CMTR1: variants seen among roughly 807,000 people sequenced by gnomAD.
CMTR1 encodes the protein cap-specific mRNA (nucleoside-2'-O-)-methyltransferase 1.
CMTR1 carries 39 observed loss-of-function variants against 107.0 expected under a neutral mutation model. The ratio of observed to expected loss-of-function variants is 0.36; its 90% CI spans 0.28 to 0.48. The LOEUF is 0.48. Among genes scored for constraint, CMTR1 ranks in the 20% least tolerant of loss-of-function variants. The probability of loss-of-function intolerance (pLI) is 0.99; values close to 1 mark genes in which losing one functional copy is unlikely to be tolerated. For missense variants in CMTR1, 672 were observed against 1,064.9 expected (o/e 0.63, Z 5.14); for synonymous variants, 366 against 379.5 (o/e 0.96, Z 0.41).
intron 2 of CMTR1, among the ~76,000 whole-genome samples, chr6:37,441,470 A>G (rs1290095809): frequency 1.3e-5 from 2 of 150,478 alleles, no homozygotes; most frequent in Admixed American, 1.3e-4. Context: ...GCTGGAGTGC[A>G]ATGGCTCGAT....
At chr6:37,440,721 T>C (rs905807438) in intron 2 of CMTR1, among the ~76,000 whole-genome samples, 2 of 152,244 alleles carry the variant, frequency 1.3e-5, no homozygotes, top group African/African-American at 4.8e-5. Context: ...ATTTGCTTAG[T>C]GAGCCTTCCA....
chr6:37,435,179 T>C (rs899918090), intron 1 of CMTR1, among the ~76,000 whole-genome samples: 5 of 152,250 alleles, frequency 3.3e-5, no homozygotes, highest in African/African-American at 1.2e-4. Flanking sequence ...ATAATGCTGA[T>C]GAAACAGTCA....
intron 10 of CMTR1, 35 bp from the exon 11 acceptor site, chr6:37,461,514 T>A (rs1761402758): frequency 1.6e-6 from 2 of 1,248,862 alleles, no homozygotes; most frequent in Non-Finnish European, 2.3e-6. Flanking sequence ...TTCTCTTTTC[T>A]CTTTCCCACC....
chr6:37,451,523 C>G (rs1048726405), intron 5 of CMTR1, among the ~76,000 whole-genome samples: 4 of 152,136 alleles, frequency 2.6e-5, no homozygotes, highest in African/African-American at 9.7e-5. Context: ...TGTCTCCTTC[C>G]TGTTTGGTGT....
chr6:37,424,018 C>T, the CMTR1 span, among the ~76,000 whole-genome samples: 3 of 152,234 alleles, frequency 2.0e-5, no homozygotes, highest in East Asian at 3.9e-4. Context: ...GAAGAGAAGA[C>T]GACCCACCAT....
At chr6:37,478,370 CT>C in intron 21 of CMTR1, 38 bp from the exon 22 acceptor site, 2 of 1,504,174 alleles carry the variant, frequency 1.3e-6, no homozygotes, top group African/African-American at 1.4e-5. Context: ...CAGCCAGGGC[CT>C]TTTCTCTCTC....
In CMTR1 at chr6:37,480,028, C is replaced by T; in HGVS notation, c.2391C>T (p.Gly797=). The T allele has an allele frequency of 1.3e-6, 2 of 1,578,882 alleles. No homozygotes were observed. Among genetic ancestry groups the T allele is most frequent in the Non-Finnish European group, 1.7e-6 (2 of 1,166,710 alleles). ...SIAPFHICYY[G]RLFWEWGDGI... ...TCCTCCCCAGCATTTGCTACTATGGCCGGCTCTTCTGGGAGTGGGGGGATG... is the reference window on the plus strand; with the variant it reads ...TCCTCCCCAGCATTTGCTACTATGGTCGGCTCTTCTGGGAGTGGGGGGATG... The change falls in exon 24 of 24, where the codon GGC becomes GGT. Residue 797 remains glycine, a synonymous_variant. Transcript: ENST00000373451.
chr6:37,479,378 T>A (rs2113898667), intron 23 of CMTR1, 123 bp downstream of exon 23: 4 of 724,900 alleles, frequency 5.5e-6, no homozygotes, highest in South Asian at 3.2e-5. Flanking sequence ...GGGGTTCCCC[T>A]GAGCACAGGC....
chr6:37,437,430 G>A (rs201505076), intron 2 of CMTR1, among the ~76,000 whole-genome samples: 3 of 151,322 alleles, frequency 2.0e-5, no homozygotes, highest in East Asian at 3.9e-4. Flanking sequence ...GGGAGGCTGA[G>A]GCAGGAGAAT....
At chr6:37,453,544 G>C (rs917973031) in intron 8 of CMTR1, among the ~76,000 whole-genome samples, 1 of 152,228 alleles carries the variant, frequency 6.6e-6, no homozygotes, top group Admixed American at 6.5e-5. Context: ...ACAGAAGGTA[G>C]AGTGGAAGGG....
At chr6:37,453,187 C>G in intron 7 of CMTR1, 46 bp downstream of exon 7, 1 of 1,611,768 alleles carries the variant, frequency 6.2e-7, no homozygotes, top group Non-Finnish European at 8.5e-7. Flanking sequence ...CCTGCTCTAC[C>G]TTTTCAATTG....
rs146218786 is a variant in CMTR1, at chr6:37,476,138, C to G, written c.2049C>G (p.Ala683=). Residue 683 remains alanine, a synonymous_variant, in exon 20 of 24, where the codon GCC becomes GCG. Transcript: ENST00000373451. ...EQHFNQRIQL[A]EKFVKAVSKP... ...GTTTGGATTGTAGAATTCAGCTTGC[C>G]GAGAAATTTGTGAAAGCCGTTTCCA... 4 of 1,613,858 alleles carry G rather than the reference C, an allele frequency of 2.5e-6. No homozygotes were observed. The highest frequency in any genetic ancestry group is 3.4e-6 in the Non-Finnish European group (4 of 1,179,992).
intron 20 of CMTR1, among the ~76,000 whole-genome samples, chr6:37,477,244 T>A (rs1761757322): frequency 6.6e-6 from 1 of 152,246 alleles, no homozygotes; most frequent in African/African-American, 2.4e-5. Context: ...TTTTCTGCCC[T>A]CTGGTGATGG....
intron 5 of CMTR1, among the ~76,000 whole-genome samples, chr6:37,451,251 A>T (rs573059216): frequency 6.6e-6 from 1 of 152,332 alleles, no homozygotes; most frequent in Admixed American, 6.5e-5. Context: ...AGGATCCTCA[A>T]TAATTTTTAT....
At chr6:37,425,527 T>A in the CMTR1 span, among the ~76,000 whole-genome samples, 5 of 152,114 alleles carry the variant, frequency 3.3e-5, no homozygotes, top group South Asian at 2.1e-4. Flanking sequence ...AACTCCTGAC[T>A]TTGTGATCCA....
In CMTR1 at chr6:37,460,298, A is replaced by C. The variant is rs543820500; in HGVS notation, c.1095+614A>C. Among the ~76,000 whole-genome samples the C allele has an allele frequency of 2.0e-5, 3 of 152,332 alleles. No individual in the cohort carries two copies. In the South Asian group the frequency reaches 6.2e-4, roughly 32 times the overall value. On this transcript the variant is annotated intron_variant, in intron 10 of 23. Transcript: ENST00000373451. Reference sequence around the variant, plus strand: ...GTGTGGCTAGTGAAGGAAGGTGGGCAGGATGTCAGCATGATATCCAAAGAT... The same window carrying C: ...GTGTGGCTAGTGAAGGAAGGTGGGCCGGATGTCAGCATGATATCCAAAGAT...
the CMTR1 span, among the ~76,000 whole-genome samples, chr6:37,424,504 C>T: frequency 2.6e-5 from 4 of 152,050 alleles, no homozygotes; most frequent in Non-Finnish European, 5.9e-5. Flanking sequence ...ACCTCGGCCT[C>T]CCAAAGTGCT....
chr6:37,449,271 T>TTGTTATGTTATGTTATGTTG (rs1771879005), intron 4 of CMTR1, among the ~76,000 whole-genome samples: 3 of 145,246 alleles, frequency 2.1e-5, no homozygotes, highest in African/African-American at 7.8e-5. Context: ...ATTTTATGTT[T>TTGTTATGTTATGTTATGTTG]TGTTATGTTA....
intron 22 of CMTR1, 94 bp from the exon 23 acceptor site, chr6:37,479,053 G>A (rs999063363): frequency 2.3e-5 from 19 of 833,364 alleles, no homozygotes; most frequent in Admixed American, 4.1e-5. Context: ...TGGGAGGCAG[G>A]AATAGGACCA....
Sources: allele counts gnomAD v4.1 joint callset (sites outside exome capture counted in the v4.1 genomes callset), GRCh38; gene constraint gnomAD v4.1.1; transcripts MANE v1.5; gene names NCBI Gene and HGNC (gene_info 2026-07-23, HGNC 2026-07-21).